STK4: variants seen among roughly 807,000 people sequenced by gnomAD.
STK4 encodes serine/threonine-protein kinase 4.
STK4 carries 30 observed loss-of-function variants against 64.9 expected under a neutral mutation model. The observed-to-expected ratio is 0.46, with a 90% CI of 0.35 to 0.63. The LOEUF is 0.63. Ranked by LOEUF, STK4 falls within the 20% of genes least tolerant of loss-of-function variation. STK4 has a pLI of 0.01. For missense variants in STK4, 466 were observed against 598.5 expected (o/e 0.78, Z 2.31); for synonymous variants, 177 against 199.0 (o/e 0.89, Z 0.93).
At chr20:45,045,304 T>G (rs1283159284) in intron 10 of STK4, among the ~76,000 whole-genome samples, 1 of 152,184 alleles carries the variant, frequency 6.6e-6, no homozygotes, top group Non-Finnish European at 1.5e-5. Flanking sequence ...CTCTTATAGT[T>G]TGAGGAACTG....
At chr20:44,977,053 G>C (rs967758702) in intron 2 of STK4, among the ~76,000 whole-genome samples, 15 of 152,232 alleles carry the variant, frequency 9.9e-5, no homozygotes, top group Admixed American at 5.9e-4. Flanking sequence ...GAAGGGAATA[G>C]GAATTCTGTG....
intron 9 of STK4, among the ~76,000 whole-genome samples, chr20:45,020,938 A>C (rs563972250): frequency 1.3e-5 from 2 of 151,978 alleles, no homozygotes; most frequent in East Asian, 3.9e-4. Flanking sequence ...CAGCCTCCCA[A>C]ATATTTGAGA....
intron 10 of STK4, among the ~76,000 whole-genome samples, chr20:45,058,518 T>C (rs1249642396): frequency 1.3e-5 from 2 of 152,240 alleles, no homozygotes; most frequent in Admixed American, 1.3e-4. Context: ...AGTCTGAAGA[T>C]GCCTTTTAAG....
chr20:45,008,143 C>T (rs1470516243), intron 9 of STK4, among the ~76,000 whole-genome samples: 2 of 152,210 alleles, frequency 1.3e-5, no homozygotes, highest in Non-Finnish European at 2.9e-5. Flanking sequence ...CAACCTCTGC[C>T]TCCCAGGTTC....
At chr20:45,032,742 T>C (rs2068466307) in intron 10 of STK4, among the ~76,000 whole-genome samples, 1 of 152,214 alleles carries the variant, frequency 6.6e-6, no homozygotes, top group Non-Finnish European at 1.5e-5. Context: ...AACACATGCA[T>C]GTGTCTTTAT....
At chr20:45,039,537 C>T (rs1355929603) in intron 10 of STK4, among the ~76,000 whole-genome samples, 2 of 152,014 alleles carry the variant, frequency 1.3e-5, no homozygotes, top group Non-Finnish European at 2.9e-5. Flanking sequence ...TGCCAGATAC[C>T]CAAGTCTGAA....
chr20:44,988,867 T>C (rs940901872), intron 5 of STK4, among the ~76,000 whole-genome samples: 1 of 152,136 alleles, frequency 6.6e-6, no homozygotes, highest in Admixed American at 6.6e-5. Flanking sequence ...GAATATTTCA[T>C]ATAAATAGAA....
intron 5 of STK4, 47 bp from the exon 6 acceptor site, chr20:44,995,043 T>G (rs1429153885): frequency 6.9e-7 from 1 of 1,441,422 alleles, no homozygotes; most frequent in East Asian, 2.6e-5. Context: ...TGTGGACATC[T>G]CAGTAGTTTT....
chr20:45,072,226 GA>G (rs1382248834), intron 10 of STK4, among the ~76,000 whole-genome samples: 1 of 152,186 alleles, frequency 6.6e-6, no homozygotes, highest in Non-Finnish European at 1.5e-5. Flanking sequence ...AAAGACTTCT[GA>G]GATCATCTAG....
At chr20:44,988,634 A>G in intron 5 of STK4, among the ~76,000 whole-genome samples, 1 of 145,990 alleles carries the variant, frequency 6.8e-6, no homozygotes, top group Admixed American at 7.1e-5. Context: ...CAGTGTTCTT[A>G]TTGCTATAAT....
intron 1 of STK4, chr20:44,967,215 G>A (rs192306748): frequency 1.9e-4 from 191 of 985,388 alleles, no homozygotes; most frequent in Non-Finnish European, 1.4e-4. Context: ...CTGATGTTCA[G>A]TGTCTTCCTA....
intron 9 of STK4, among the ~76,000 whole-genome samples, chr20:45,016,129 G>C (rs935089037): frequency 6.6e-6 from 1 of 152,162 alleles, no homozygotes; most frequent in East Asian, 1.9e-4. Context: ...AGAAGAGAGA[G>C]GGAGGCTCTG....
intron 10 of STK4, among the ~76,000 whole-genome samples, chr20:45,071,794 G>A (rs904983627): frequency 1.3e-5 from 2 of 151,946 alleles, no homozygotes; most frequent in Admixed American, 6.6e-5. Context: ...TTTGAGACAA[G>A]GTCTTGCTCT....
chr20:45,026,299 GAGGTT>G (rs1315723109), intron 10 of STK4, among the ~76,000 whole-genome samples: 4 of 148,486 alleles, frequency 2.7e-5, no homozygotes, highest in Non-Finnish European at 4.4e-5. Flanking sequence ...AAGCAAAAGG[GAGGTT>G]AGGAGACAGA....
At chr20:45,000,031 A>G (rs1017007312) in intron 7 of STK4, among the ~76,000 whole-genome samples, 2 of 152,194 alleles carry the variant, frequency 1.3e-5, no homozygotes, top group African/African-American at 4.8e-5. Context: ...GTACTTTGCA[A>G]AATTGCTAAT....
At chr20:45,050,741 C>T (rs2068764612) in intron 10 of STK4, among the ~76,000 whole-genome samples, 1 of 151,854 alleles carries the variant, frequency 6.6e-6, no homozygotes. Context: ...TAACTTCAGA[C>T]ATTTAAATTT....
At chr20:45,027,838 C>T (rs966320226) in intron 10 of STK4, among the ~76,000 whole-genome samples, 3 of 152,178 alleles carry the variant, frequency 2.0e-5, no homozygotes, top group Admixed American at 6.5e-5. Context: ...TTAGCTCCCA[C>T]ATGAGTGAGA....
intron 5 of STK4, among the ~76,000 whole-genome samples, chr20:44,994,623 T>C (rs1230950488): frequency 1.3e-5 from 2 of 152,120 alleles, no homozygotes; most frequent in Admixed American, 6.5e-5. Flanking sequence ...CTACAGTCTT[T>C]GTGCATATCG....
At chr20:45,016,059 A>G (rs2068136340) in intron 9 of STK4, among the ~76,000 whole-genome samples, 1 of 152,190 alleles carries the variant, frequency 6.6e-6, no homozygotes. Context: ...GCTGGCATGA[A>G]CATGGTTGAG....
Sources: gnomAD v4.1 joint callset for allele counts (sites outside exome capture counted in the v4.1 genomes callset) on GRCh38, gnomAD v4.1.1 for gene constraint, MANE v1.5 for transcripts, NCBI Gene and HGNC (gene_info 2026-07-23, HGNC 2026-07-21) for gene names.